CD163L1: variants seen among roughly 807,000 people sequenced by gnomAD.
The protein encoded by CD163L1 is scavenger receptor cysteine-rich type 1 protein M160.
A neutral mutation model predicts 165.4 loss-of-function variants in CD163L1; 124 were observed. That is an observed-to-expected ratio of 0.75 (90% CI 0.65 to 0.87). CD163L1 has a LOEUF of 0.87. Among genes scored for constraint, CD163L1 ranks in the 40% least tolerant of loss-of-function variants. The pLI, the probability that CD163L1 is intolerant of heterozygous loss-of-function variation, is 0.00. For synonymous variants in CD163L1, 585 were observed against 662.2 expected, an observed-to-expected ratio of 0.88 and a Z score of 1.79; for missense variants, 1,525 against 1,799.9, an observed-to-expected ratio of 0.85 and a Z score of 2.76.
intron 2 of CD163L1, among the ~76,000 whole-genome samples, chr12:7,435,321 A>G: frequency 6.6e-6 from 1 of 151,948 alleles, no homozygotes. Flanking sequence ...TGTGAAGAAT[A>G]TATTAGCAAC....
intron 14 of CD163L1, among the ~76,000 whole-genome samples, chr12:7,373,009 C>A (rs772556054): frequency 2.1e-4 from 32 of 152,272 alleles, no homozygotes; most frequent in Non-Finnish European, 4.3e-4. Flanking sequence ...AGACAGTATA[C>A]ATATTATATT....
chr12:7,407,662 C>T (rs749867814), intron 4 of CD163L1, among the ~76,000 whole-genome samples: 4 of 150,932 alleles, frequency 2.7e-5, no homozygotes, highest in South Asian at 4.2e-4. Context: ...CACACACACA[C>T]ATATATATAT....
In CD163L1 at chr12:7,374,470, G is replaced by A. The variant is rs140129260; in HGVS notation, c.3381C>T (p.His1127=). The part of the protein sequence containing the change: ...SRGWGQHDCR[H]KEDAGVICSE... ...AGCAGATGACCCCTGCGTCCTCCTT[G>A]TGCCTGCAGTCGTGCTGCCCCCAGC... The change falls in exon 13 of 20, where the codon CAC becomes CAT. Residue 1127 remains histidine (H), a synonymous_variant. Transcript: ENST00000313599. The surrounding 1 kb of genome is among the most constrained non-coding windows in gnomAD (Gnocchi z 5.4). The A allele has an allele frequency of 1.9e-6, 3 of 1,613,866 alleles. No individual in the cohort carries two copies. Among genetic ancestry groups the A allele is most frequent in the Non-Finnish European group, 2.5e-6 (3 of 1,179,858 alleles).
the CD163L1 span, among the ~76,000 whole-genome samples, chr12:7,331,535 G>A: frequency 6.6e-6 from 1 of 152,220 alleles, no homozygotes; most frequent in African/African-American, 2.4e-5. Context: ...GCACCCCCCA[G>A]TAGGGGCGGA....
chr12:7,366,583 T>C (rs1947025869), intron 18 of CD163L1, among the ~76,000 whole-genome samples: 1 of 152,164 alleles, frequency 6.6e-6, no homozygotes, highest in Non-Finnish European at 1.5e-5. Flanking sequence ...ACTTATCAAA[T>C]ACTAAATTAG....
At chr12:7,388,177 A>G (rs1008348074) in intron 8 of CD163L1, among the ~76,000 whole-genome samples, 1 of 152,216 alleles carries the variant, frequency 6.6e-6, no homozygotes, top group Non-Finnish European at 1.5e-5. Flanking sequence ...CTACTAGAAG[A>G]AAACATTGGG....
chr12:7,400,499 CA>C lies in CD163L1; in HGVS notation c.1409-1916del, dbSNP rs770595822. On this transcript the variant is annotated intron_variant, in intron 6 of 19. Coordinates refer to ENST00000313599, the MANE Select transcript of CD163L1 (RefSeq NM_174941.6). The surrounding 1 kb of genome is among the most constrained non-coding windows in gnomAD (Gnocchi z 4.1). The stretch of plus-strand genomic sequence containing the variant: ...GATATAATTTCTGCACAAATCAAAC[CA>C]ATTTATATTTATATTGTATTTTAAT... 1.3e-5 allele frequency among the ~76,000 whole-genome samples: 2 copies of C among 151,916 alleles called. No individual in the cohort carries two copies. The highest frequency in any genetic ancestry group is 2.9e-5 in the Non-Finnish European group (2 of 67,962).
intron 19 of CD163L1, among the ~76,000 whole-genome samples, chr12:7,355,553 T>C (rs747806628): frequency 1.3e-5 from 2 of 152,126 alleles, no homozygotes; most frequent in African/African-American, 2.4e-5. Context: ...AGAACAAAAG[T>C]AGGTTTTTTT....
intron 4 of CD163L1, among the ~76,000 whole-genome samples, chr12:7,407,815 AC>A: frequency 6.6e-6 from 1 of 151,404 alleles, no homozygotes; most frequent in East Asian, 2.0e-4. Context: ...ACAGACACAC[AC>A]ACACACACAC....
chr12:7,347,240 T>G lies in CD163L1; in HGVS notation c.*25-93A>C, dbSNP rs1946676217. On this transcript the variant is annotated intron_variant, in intron 4 of 4. Coordinates refer to the CD163L1 transcript ENST00000539726. The surrounding 1 kb of genome is among the most constrained non-coding windows in gnomAD (Gnocchi z 4.2). ...TTCAGTTCATTTCTCTAAAATTGTG[T>G]TTACTTAAGTTTACATATCTTTGTT... is the stretch of plus-strand genomic sequence containing the variant. The G allele has an allele frequency of 1.3e-5, 2 of 152,318 alleles. No individual in the cohort carries two copies. Among genetic ancestry groups the G allele is most frequent in the South Asian group, 4.1e-4 (2 of 4,826 alleles). The allele number at this position is 152,318 out of a possible 1,614,324, so 9.4% of individuals were successfully genotyped here.
intron 18 of CD163L1, among the ~76,000 whole-genome samples, chr12:7,366,892 A>T (rs183344087): frequency 6.6e-6 from 1 of 152,298 alleles, no homozygotes; most frequent in Admixed American, 6.5e-5. Flanking sequence ...AATGTAATGA[A>T]ATTGGAAAAC....
the CD163L1 span, among the ~76,000 whole-genome samples, chr12:7,321,550 G>A: frequency 6.6e-6 from 1 of 152,122 alleles, no homozygotes. Context: ...CCTATGTCAC[G>A]GCCTTTGAAA....
Position 7,374,748 on chromosome 12 carries a change from GTTTGTCCTCT to G in CD163L1, c.3095-2_3102del. 1 of 1,613,604 alleles carries G rather than the reference GTTTGTCCTCT, an allele frequency of 6.2e-7. No individual in the cohort carries two copies. Among genetic ancestry groups the G allele is most frequent in the Non-Finnish European group, 8.5e-7 (1 of 1,179,670 alleles). ...CTGTCCCCATCCACTAGGCGGAGCC[GTTTGTCCTCT>G]TAGAGGAGAAAGTCCAGTTAATAGG... On this transcript the variant is annotated splice_acceptor_variant and coding_sequence_variant, in exon 13 of 20. Coordinates refer to ENST00000313599, the MANE Select transcript of CD163L1 (RefSeq NM_174941.6). LOFTEE classifies it high-confidence loss of function. This position sits in a 1 kb window ranked among gnomAD's most constrained non-coding sequence, Gnocchi z 5.4.
chr12:7,443,183 A>G lies in CD163L1; in HGVS notation c.31+914T>C, dbSNP rs137975624. ...TTTTTCAAAAAGGAGGCTTTGAAAA[A>G]TATCAGAACTTCTGCTGGTTTTCTA... On this transcript the variant is annotated intron_variant, in intron 1 of 19. Transcript: ENST00000313599. Among the ~76,000 whole-genome samples, 542 of 152,334 alleles carry G rather than the reference A, an allele frequency of 3.6e-3. 4 individuals are homozygous for G. The highest frequency in any genetic ancestry group is 0.012 in the African/African-American group (506 of 41,582).
the CD163L1 span, chr12:7,320,876 C>A: frequency 7.6e-7 from 1 of 1,311,058 alleles, no homozygotes; most frequent in Non-Finnish European, 1.1e-6. Flanking sequence ...CTCTCTTTTT[C>A]AGCATAGGAT....
intron 4 of CD163L1, among the ~76,000 whole-genome samples, chr12:7,416,678 C>A (rs1005063228): frequency 4.6e-5 from 7 of 152,150 alleles, no homozygotes; most frequent in African/African-American, 1.7e-4. Flanking sequence ...ATGAGGAATC[C>A]TTTCCCCATT....
intron 4 of CD163L1, among the ~76,000 whole-genome samples, chr12:7,431,604 G>A (rs1334650536): frequency 4.0e-5 from 6 of 151,280 alleles, no homozygotes; most frequent in Non-Finnish European, 7.4e-5. Flanking sequence ...ACCAGGGCCC[G>A]TTGGGGGGTG....
Position 7,372,312 on chromosome 12 carries a change from T to C in CD163L1, c.3730+1008A>G. On this transcript the variant is annotated intron_variant, in intron 14 of 19. Coordinates refer to ENST00000313599, the MANE Select transcript of CD163L1 (RefSeq NM_174941.6). The surrounding 1 kb of genome is among the most constrained non-coding windows in gnomAD (Gnocchi z 4.2). The stretch of plus-strand genomic sequence containing the variant: ...TAGGCTTTCTGCTGGAGCAATTAAC[T>C]ACTACATATAAAGAATCATAAAAAT... Among the ~76,000 whole-genome samples the C allele has an allele frequency of 6.6e-6, 1 of 152,052 alleles. No homozygotes were observed. Among genetic ancestry groups the C allele is most frequent in the East Asian group, 1.9e-4 (1 of 5,190 alleles).
chr12:7,350,981 A>G (rs916620127), downstream of CD163L1, among the ~76,000 whole-genome samples: 5 of 152,182 alleles, frequency 3.3e-5, no homozygotes, highest in Admixed American at 2.0e-4. Context: ...AATATTATGC[A>G]AAGTTCACAT....
Sources: allele counts gnomAD v4.1 joint callset (sites outside exome capture counted in the v4.1 genomes callset), GRCh38; gene constraint gnomAD v4.1.1; non-coding constraint Gnocchi (gnomAD v3.1); transcripts MANE v1.5; gene names NCBI Gene and HGNC (gene_info 2026-07-23, HGNC 2026-07-21).